Variants in SCAF1 observed in about 807,000 individuals in gnomAD.
The protein encoded by SCAF1 is splicing factor, arginine/serine-rich 19.
SCAF1 carries 28 observed loss-of-function variants against 91.2 expected under a neutral mutation model. The ratio of observed to expected loss-of-function variants is 0.31; its 90% CI spans 0.23 to 0.42. SCAF1 has a LOEUF of 0.42. SCAF1 is among the 10% of genes least tolerant of loss of function. SCAF1 has a pLI of 1.00. For synonymous variants in SCAF1, 1,036 were observed against 833.7 expected (o/e 1.24, Z -4.18); for missense variants, 1,893 against 1,872.1 (o/e 1.01, Z -0.21).
Position 49,652,285 on chromosome 19 carries a change from G to A in SCAF1, c.1896G>A (p.Gly632=), listed in dbSNP as rs1313878359. The change falls in exon 7 of 11, where the codon GGG becomes GGA. Residue 632 remains glycine (G), a synonymous_variant. Transcript: ENST00000360565. ...CCTCGAGGCGCGAGCGGCACCGCGGGAAACACCGGGACGGTGGCGGCAGCA... is the reference window on the plus strand; with the variant it reads ...CCTCGAGGCGCGAGCGGCACCGCGGAAAACACCGGGACGGTGGCGGCAGCA... The part of the protein sequence containing the change: ...SSSSRRERHR[G]KHRDGGGSKK... The A allele has an allele frequency of 5.9e-6, 9 of 1,514,620 alleles. No individual in the cohort carries two copies. The highest frequency in any genetic ancestry group is 7.9e-6 in the Non-Finnish European group (9 of 1,134,902). The allele number at this position is 1,514,620 out of a possible 1,614,324, so 93.8% of individuals were successfully genotyped here. A position where few individuals can be genotyped will look rare whatever the true frequency, so the allele number is the denominator to read the frequency against.
chr19:49,651,448 C>A lies in SCAF1; in HGVS notation c.1059C>A (p.Phe353Leu), dbSNP rs777276344. 3 of 1,593,102 alleles carry A rather than the reference C, an allele frequency of 1.9e-6. No individual in the cohort carries two copies. The highest frequency in any genetic ancestry group is 3.5e-5 in the Admixed American group (2 of 57,586). ...RADGAMRRRV[F>L]VVGTEAEACR... ...ATGGAGCCATGCGCCGGCGGGTCTTCGTGGTGGGGACCGAGGCAGAGGCTT... is the reference window on the plus strand; with the variant it reads ...ATGGAGCCATGCGCCGGCGGGTCTTAGTGGTGGGGACCGAGGCAGAGGCTT... Residue 353 changes from phenylalanine to leucine, a missense_variant, in exon 7 of 11, where the codon TTC becomes TTA. Around this residue, in one of 5 missense-constraint regions of SCAF1, gnomAD observed 1,436 missense variants for 1,306.8 expected, o/e 1.10. Transcript: ENST00000360565.
Position 49,654,770 on chromosome 19 carries a change from G to T in SCAF1, c.3518G>T (p.Gly1173Val), listed in dbSNP as rs771867907. The change falls in exon 9 of 11, where the codon GGG (glycine) becomes GTG (valine). Residue 1173 changes from glycine (G) to valine (V), a missense_variant. Gly to Val is a moderately radical substitution (Grantham distance 109). Transcript: ENST00000360565. ...CTGCTTCCTGGCAGCCTCCCTCTGG[G>T]GGGCTGCGGTTCGACCCCCCCCACC... Reference protein sequence around the residue: ...SYLLPGSLPLGGCGSTPPTPT... With the variant: ...SYLLPGSLPLVGCGSTPPTPT... 1.2e-6 allele frequency: 2 copies of T among 1,613,626 alleles called. No individual in the cohort carries two copies. The highest frequency in any genetic ancestry group is 2.2e-5 in the East Asian group (1 of 44,870).
At chr19:49,657,933 C>T (rs762162703) in intron 10 of SCAF1, 44 bp downstream of exon 10, 30 of 1,597,192 alleles carry the variant, frequency 1.9e-5, no homozygotes, top group South Asian at 4.5e-5. Flanking sequence ...GGGGAGAGAA[C>T]GAGCTGGAGG....
Position 49,652,029 on chromosome 19 carries a change from C to G in SCAF1, c.1640C>G (p.Ala547Gly). The change falls in exon 7 of 11, where the codon GCC becomes GGC. Residue 547 changes from alanine to glycine, a missense_variant. Ala to Gly is a moderately conservative substitution (Grantham distance 60). Around this residue, in one of 5 missense-constraint regions of SCAF1, gnomAD observed 1,436 missense variants for 1,306.8 expected, o/e 1.10. Transcript: ENST00000360565. ...ACCCAGCCAGCGCCGCCCGCCCCGG[C>G]CTCGCCCTGGGACTCCAAGAAGCAC... Reference protein sequence around the residue: ...SGTQPAPPAPASPWDSKKHRS... With the variant: ...SGTQPAPPAPGSPWDSKKHRS... 8.1e-7 allele frequency: 1 copy of G among 1,227,382 alleles called. No individual in the cohort carries two copies. The highest frequency in any genetic ancestry group is 1.0e-6 in the Non-Finnish European group (1 of 973,046). The allele number at this position is 1,227,382 out of a possible 1,614,324, so 76.0% of individuals were successfully genotyped here.
chr19:49,655,336 TTC>T (rs1488033930), intron 9 of SCAF1, among the ~76,000 whole-genome samples: 4 of 152,136 alleles, frequency 2.6e-5, no homozygotes, highest in Non-Finnish European at 2.9e-5. Context: ...CTGGAGCTGT[TTC>T]TCTCTTGGTC....
In SCAF1 at chr19:49,651,012, C is replaced by CAA; in HGVS notation, c.623_624insAA (p.Pro209IlefsTer103). ...TCTCCCTCATCTTCCTCCCCTTCCC[C>CAA]TCCCCCACCCCCACCGCCCCCTGCA... On this transcript the variant is annotated frameshift_variant, in exon 7 of 11. Transcript: ENST00000360565. LOFTEE classifies it high-confidence loss of function. 1.2e-6 allele frequency: 1 copy of CAA among 838,314 alleles called. No individual in the cohort carries two copies. Among genetic ancestry groups the CAA allele is most frequent in the Non-Finnish European group, 1.8e-6 (1 of 561,476 alleles). 51.9% of individuals were successfully genotyped at this position (838,314 alleles called of 1,614,324 possible).
intron 9 of SCAF1, among the ~76,000 whole-genome samples, chr19:49,656,862 G>A (rs1477397971): frequency 6.6e-6 from 1 of 152,138 alleles, no homozygotes; most frequent in East Asian, 1.9e-4. Context: ...TTACAAATGA[G>A]CCACAAAGGT....
At chr19:49,650,244 TC>T (rs1309510378) in intron 6 of SCAF1, among the ~76,000 whole-genome samples, 1 of 152,148 alleles carries the variant, frequency 6.6e-6, no homozygotes, top group African/African-American at 2.4e-5. Flanking sequence ...AGACCAGCCT[TC>T]CTGGGCTCCC....
intron 6 of SCAF1, among the ~76,000 whole-genome samples, chr19:49,649,190 AAAG>A (rs1202533539): frequency 2.0e-5 from 3 of 152,166 alleles, no homozygotes; most frequent in Non-Finnish European, 4.4e-5. Flanking sequence ...TTTAAAAAGA[AAAG>A]AAAGTTCACC....
rs771122965 is a variant in SCAF1 at position 49,651,823 on chromosome 19, C to T, written c.1434C>T (p.Gly478=). 55 of 1,247,454 alleles carry T rather than the reference C, an allele frequency of 4.4e-5. 1 individual carries two copies. Among genetic ancestry groups the T allele is most frequent in the East Asian group, 3.9e-5 (1 of 25,640 alleles). The allele number at this position is 1,247,454 out of a possible 1,614,324, so 77.3% of individuals were successfully genotyped here. A position where few individuals can be genotyped will look rare whatever the true frequency, so the allele number is the denominator to read the frequency against. ...CGCCCGCCGCCGACTCGCGCTGGGGCGGCCTGGACCTGCGCCGCAAGATCC... is the reference window on the plus strand; with the variant it reads ...CGCCCGCCGCCGACTCGCGCTGGGGTGGCCTGGACCTGCGCCGCAAGATCC... ...PAPPAADSRW[G]GLDLRRKILT... The change falls in exon 7 of 11, where the codon GGC becomes GGT. Residue 478 remains glycine (G), a synonymous_variant. Transcript: ENST00000360565.
Position 49,650,948 on chromosome 19 carries a change from CCCCCTG to C in SCAF1, c.564_569del (p.Ala189_Pro190del). On this transcript the variant is annotated inframe_deletion, in exon 7 of 11. Transcript: ENST00000360565. ...CACGGGAGACGGGGGCCCTGCCCCA[CCCCCTG>C]CCCCCTCCTCTGCATCCTCCTCCCC... 1 of 1,556,278 alleles carries C rather than the reference CCCCCTG, an allele frequency of 6.4e-7. No individual in the cohort carries two copies.
Position 49,653,566 on chromosome 19 carries a change from C to T in SCAF1, c.3177C>T (p.Pro1059=), listed in dbSNP as rs758742858. The change falls in exon 7 of 11, where the codon CCC becomes CCT. Residue 1059 remains proline (P), a synonymous_variant. Coordinates refer to ENST00000360565, the MANE Select transcript of SCAF1 (RefSeq NM_021228.3). ...STAAAAPSTA[P]SAGSTAGDSG... ...CTGCAGCCGCCCCAAGCACTGCCCCCAGCGCGGGGTCCACAGCCGGTGACT... is the reference window on the plus strand; with the variant it reads ...CTGCAGCCGCCCCAAGCACTGCCCCTAGCGCGGGGTCCACAGCCGGTGACT... The T allele has an allele frequency of 1.3e-6, 2 of 1,587,864 alleles. No homozygotes were observed. The highest frequency in any genetic ancestry group is 1.3e-5 in the African/African-American group (1 of 74,662).
Position 49,658,302 on chromosome 19 carries a change from G to A in SCAF1, c.3842G>A (p.Gly1281Asp). Residue 1281 changes from glycine (G) to aspartate (D), a missense_variant, in exon 11 of 11, where the codon GGT becomes GAT. Physicochemically the swap from Gly to Asp is moderately conservative, Grantham distance 94. Around this residue, in one of 5 missense-constraint regions of SCAF1, gnomAD observed 51 missense variants for 49.9 expected, o/e 1.02. Coordinates refer to ENST00000360565, the MANE Select transcript of SCAF1 (RefSeq NM_021228.3). ...CGCTACCGCTACTTCCGCAAGCACG[G>A]TCGCAAGCCAGGGGACCCCCCAGGG... The part of the protein sequence containing the change: ...VQRYRYFRKH[G>D]RKPGDPPGPP... The A allele has an allele frequency of 6.2e-7, 1 of 1,610,178 alleles. No individual in the cohort carries two copies. The highest frequency in any genetic ancestry group is 2.2e-5 in the East Asian group (1 of 44,676).
chr19:49,646,060 C>T lies in SCAF1; in HGVS notation c.167-48C>T. ...CCTCTTTCCTCTACCCCGCAAGTCT[C>T]TGCAGCAAGTCCCCTGTGTCCAATC... On this transcript the variant is annotated intron_variant, in intron 3 of 10. Transcript: ENST00000360565. This position sits in a 1 kb window ranked among gnomAD's most constrained non-coding sequence, Gnocchi z 5.6. The T allele has an allele frequency of 6.5e-7, 1 of 1,546,142 alleles. No individual in the cohort carries two copies.
chr19:49,644,926 G>A, intron 1 of SCAF1, 95 bp from the exon 2 acceptor site: 2 of 793,926 alleles, frequency 2.5e-6, no homozygotes, highest in South Asian at 3.4e-5. Context: ...TGCTGAGGGA[G>A]ATAGTGTGGG....
Position 49,646,288 on chromosome 19 carries a change from G to T in SCAF1, c.261+86G>T, listed in dbSNP as rs2081054816. Reference sequence around the variant, plus strand: ...GCCTGAGTCTGGGGGAATGGGGTTTGGGGACCTGGACTCCTGGCTCTGCGA... The same window carrying T: ...GCCTGAGTCTGGGGGAATGGGGTTTTGGGACCTGGACTCCTGGCTCTGCGA... On this transcript the variant is annotated intron_variant, in intron 4 of 10. Coordinates refer to ENST00000360565, the MANE Select transcript of SCAF1 (RefSeq NM_021228.3). The surrounding 1 kb of genome is among the most constrained non-coding windows in gnomAD (Gnocchi z 5.6). 2 of 1,170,924 alleles carry T rather than the reference G, an allele frequency of 1.7e-6. No individual in the cohort carries two copies. The highest frequency in any genetic ancestry group is 4.8e-5 in the Admixed American group (2 of 41,460). 72.5% of individuals were successfully genotyped at this position (1,170,924 alleles called of 1,614,324 possible). A position where few individuals can be genotyped will look rare whatever the true frequency, so the allele number is the denominator to read the frequency against.
At chr19:49,655,951 A>T (rs1048628801) in intron 9 of SCAF1, among the ~76,000 whole-genome samples, 1 of 152,240 alleles carries the variant, frequency 6.6e-6, no homozygotes, top group African/African-American at 2.4e-5. Flanking sequence ...GATTATAGGC[A>T]TGAGCCACTG....
upstream of SCAF1, among the ~76,000 whole-genome samples, chr19:49,641,238 G>A (rs2081024579): frequency 6.6e-6 from 1 of 152,224 alleles, no homozygotes; most frequent in Non-Finnish European, 1.5e-5. Flanking sequence ...ACTGCTCTGA[G>A]TGAGAGGATT....
At position 49,652,618 on chromosome 19, in the gene SCAF1, C is replaced by A; in HGVS notation, c.2229C>A (p.Gly743=). ...AGGGACTGAGCGGCGAGGAGCGGGGCGGCAAGAGCAGCCAGAAGGATCGGC... is the reference window on the plus strand; with the variant it reads ...AGGGACTGAGCGGCGAGGAGCGGGGAGGCAAGAGCAGCCAGAAGGATCGGC... ...DSEGLSGEER[G]GKSSQKDRRR... is the part of the protein sequence containing the mutation. The change falls in exon 7 of 11, where the codon GGC becomes GGA. Residue 743 remains glycine, a synonymous_variant. Transcript: ENST00000360565. The A allele has an allele frequency of 6.4e-7, 1 of 1,562,400 alleles. No individual in the cohort carries two copies. The highest frequency in any genetic ancestry group is 8.7e-7 in the Non-Finnish European group (1 of 1,153,492).
Sources: allele counts gnomAD v4.1 joint callset (sites outside exome capture counted in the v4.1 genomes callset), GRCh38; gene constraint gnomAD v4.1.1; regional missense constraint gnomAD v4.1.1; non-coding constraint Gnocchi (gnomAD v3.1); transcripts MANE v1.5; gene names NCBI Gene and HGNC (gene_info 2026-07-23, HGNC 2026-07-21).